The following UGT8 variants were observed in gnomAD, a reference collection of about 807,000 sequenced individuals.
The protein encoded by UGT8 is UDP glycosyltransferase 8, also known as 2-hydroxyacylsphingosine 1-beta-galactosyltransferase.
A neutral mutation model predicts 40.5 loss-of-function variants in UGT8; 12 were observed. That is an observed-to-expected ratio of 0.30 (90% CI 0.19 to 0.48). The LOEUF (loss-of-function observed/expected upper bound fraction) is 0.48. Among genes scored for constraint, UGT8 ranks in the 20% least tolerant of loss-of-function variants. UGT8 has a pLI of 0.99. For synonymous variants in UGT8, 224 were observed against 240.4 expected, an observed-to-expected ratio of 0.93 and a Z score of 0.63; for missense variants, 513 against 648.7, an observed-to-expected ratio of 0.79 and a Z score of 2.27.
chr4:114,643,923 C>G (rs1445314795), intron 2 of UGT8, among the ~76,000 whole-genome samples: 1 of 152,066 alleles, frequency 6.6e-6, no homozygotes, highest in Non-Finnish European at 1.5e-5. Context: ...TTTTTCTGTT[C>G]CATTTTATTT....
intron 2 of UGT8, among the ~76,000 whole-genome samples, chr4:114,644,701 GTT>G (rs1204224775): frequency 1.2e-4 from 18 of 152,088 alleles, no homozygotes; most frequent in African/African-American, 4.1e-4. Flanking sequence ...TGCCTAAAAT[GTT>G]CTATCCCTTG....
At chr4:114,662,973 T>G (rs1337441922) in intron 2 of UGT8, among the ~76,000 whole-genome samples, 1 of 151,648 alleles carries the variant, frequency 6.6e-6, no homozygotes, top group African/African-American at 2.4e-5. Flanking sequence ...CCCGCCACCA[T>G]GCCCAGCTAA....
At chr4:114,660,725 T>C (rs1578459900) in intron 2 of UGT8, among the ~76,000 whole-genome samples, 1 of 152,018 alleles carries the variant, frequency 6.6e-6, no homozygotes, top group East Asian at 1.9e-4. Context: ...ACCCCATCTC[T>C]AGTAAAAATA....
chr4:114,618,113 T>C (rs970163821), intron 1 of UGT8, among the ~76,000 whole-genome samples: 1 of 152,144 alleles, frequency 6.6e-6, no homozygotes, highest in Non-Finnish European at 1.5e-5. Flanking sequence ...TTTTCTGATA[T>C]TAAAATTATT....
At chr4:114,626,020 TG>T (rs1244353510) in intron 2 of UGT8, among the ~76,000 whole-genome samples, 5 of 152,186 alleles carry the variant, frequency 3.3e-5, no homozygotes, top group Admixed American at 3.3e-4. Flanking sequence ...ATATATAGTA[TG>T]TGGACATAGA....
intron 5 of UGT8, among the ~76,000 whole-genome samples, chr4:114,674,516 C>T (rs1735498074): frequency 1.3e-5 from 2 of 152,100 alleles, no homozygotes; most frequent in Non-Finnish European, 2.9e-5. Flanking sequence ...GAGTATCTTC[C>T]CTCTGCTTTA....
chr4:114,665,497 G>A, intron 3 of UGT8, 183 bp from the exon 4 acceptor site: 1 of 978,940 alleles, frequency 1.0e-6, no homozygotes, highest in Non-Finnish European at 1.2e-6. Flanking sequence ...TCCAACCAGT[G>A]AAAGTTTTTA....
chr4:114,601,635 C>T (rs1046571189), intron 1 of UGT8, among the ~76,000 whole-genome samples: 1 of 152,030 alleles, frequency 6.6e-6, no homozygotes, highest in Non-Finnish European at 1.5e-5. Flanking sequence ...CTAAATCTTA[C>T]TGTCTTCCTT....
At chr4:114,599,889 C>T (rs1029746876) in intron 1 of UGT8, among the ~76,000 whole-genome samples, 25 of 152,062 alleles carry the variant, frequency 1.6e-4, no homozygotes, top group African/African-American at 6.0e-4. Context: ...GGCGGGGTAC[C>T]CAATCTCTAT....
chr4:114,672,062 T>C (rs777954235), intron 5 of UGT8, among the ~76,000 whole-genome samples: 3 of 152,098 alleles, frequency 2.0e-5, no homozygotes, highest in Non-Finnish European at 2.9e-5. Context: ...AACAAACATA[T>C]GTAAAAAAGG....
At chr4:114,605,280 A>G (rs1730670740) in intron 1 of UGT8, among the ~76,000 whole-genome samples, 1 of 152,212 alleles carries the variant, frequency 6.6e-6, no homozygotes, top group Non-Finnish European at 1.5e-5. Flanking sequence ...GGAAAGATGT[A>G]TAGTAGGAAC....
At chr4:114,641,121 G>A (rs1274984802) in intron 2 of UGT8, among the ~76,000 whole-genome samples, 1 of 152,180 alleles carries the variant, frequency 6.6e-6, no homozygotes, top group Non-Finnish European at 1.5e-5. Context: ...ATAGCCTTAA[G>A]AAAAGCTAAA....
intron 2 of UGT8, 142 bp downstream of exon 2, chr4:114,623,844 T>C: frequency 8.5e-7 from 1 of 1,169,862 alleles, no homozygotes; most frequent in Non-Finnish European, 1.1e-6. Flanking sequence ...GCCTCCAAAG[T>C]CCCTTTATGT....
rs369007080 is a variant in UGT8 at position 114,644,666 on chromosome 4, G to C, written c.823-19329G>C. Among the ~76,000 whole-genome samples the C allele has an allele frequency of 2.5e-3, 383 of 152,166 alleles. 18 individuals carry two copies. The South Asian group carries it at 0.076, about 30-fold the overall frequency. The stretch of plus-strand genomic sequence containing the variant: ...TGAATTGATACAATTTATAATTTGT[G>C]ATCTATGCCTTTCAAGCCTTTTGCT... On this transcript the variant is annotated intron_variant, in intron 2 of 5. Transcript: ENST00000310836.
Position 114,622,918 on chromosome 4 carries a change from G to C in UGT8, c.38G>C (p.Ser13Thr). 6.2e-7 allele frequency: 1 copy of C among 1,613,978 alleles called. No homozygotes were observed. The highest frequency in any genetic ancestry group is 8.5e-7 in the Non-Finnish European group (1 of 1,179,960). Residue 13 changes from serine (S) to threonine (T), a missense_variant, in exon 2 of 6, where the codon AGT (serine) becomes ACT (threonine). Ser to Thr is a moderately conservative substitution (Grantham distance 58). Coordinates refer to ENST00000310836, the MANE Select transcript of UGT8 (RefSeq NM_001128174.3). Reference sequence around the variant, plus strand: ...ACTCCATATTTCATTCTCCTGTGGAGTGCTGTTGGGATAGCGAAGGCTGCC... The same window carrying C: ...ACTCCATATTTCATTCTCCTGTGGACTGCTGTTGGGATAGCGAAGGCTGCC... ...SYTPYFILLW[S>T]AVGIAKAAKI... is the part of the protein sequence containing the mutation.
At chr4:114,614,432 T>TA (rs1731271878) in intron 1 of UGT8, among the ~76,000 whole-genome samples, 1 of 152,212 alleles carries the variant, frequency 6.6e-6, no homozygotes, top group African/African-American at 2.4e-5. Flanking sequence ...TAAGATGGCA[T>TA]ACTAGTTTAA....
At position 114,676,544 on chromosome 4, in the gene UGT8, A is replaced by T; in HGVS notation, c.*256A>T. 2.8e-6 allele frequency: 1 copy of T among 362,810 alleles called. No individual in the cohort carries two copies. The highest frequency in any genetic ancestry group is 5.0e-6 in the Non-Finnish European group (1 of 200,744). 22.5% of individuals were successfully genotyped at this position (362,810 alleles called of 1,614,324 possible). On this transcript the variant is annotated 3_prime_UTR_variant, in exon 6 of 6. Transcript: ENST00000310836. ...TTTAGAAGCCTTAATTATTTAAATC[A>T]ATTCAGTGACTGTGTCAGACCTTAG...
chr4:114,645,185 A>G (rs1179925131), intron 2 of UGT8, among the ~76,000 whole-genome samples: 1 of 152,240 alleles, frequency 6.6e-6, no homozygotes, highest in Non-Finnish European at 1.5e-5. Flanking sequence ...TTAGCAAGCC[A>G]TGGGAACGTG....
intron 5 of UGT8, among the ~76,000 whole-genome samples, chr4:114,670,790 A>G (rs1209907853): frequency 6.6e-6 from 1 of 152,188 alleles, no homozygotes; most frequent in African/African-American, 2.4e-5. Context: ...CTCCTATTCA[A>G]CATAGTATTG....
Sources: allele counts gnomAD v4.1 joint callset (sites outside exome capture counted in the v4.1 genomes callset), GRCh38; gene constraint gnomAD v4.1.1; transcripts MANE v1.5; gene names NCBI Gene and HGNC (gene_info 2026-07-23, HGNC 2026-07-21).